Variants in INPP4B observed in about 807,000 individuals in gnomAD.
INPP4B encodes the protein inositol polyphosphate 4-phosphatase type II.
INPP4B carries 55 observed loss-of-function variants against 122.5 expected under a neutral mutation model. The ratio of observed to expected loss-of-function variants is 0.45; its 90% CI spans 0.36 to 0.56. The LOEUF (loss-of-function observed/expected upper bound fraction) is 0.56, where lower values mean the gene tolerates loss of function less well. INPP4B is among the 20% of genes least tolerant of loss of function. The probability of loss-of-function intolerance (pLI) is 0.00; values close to 1 mark genes in which losing one functional copy is unlikely to be tolerated. For synonymous variants in INPP4B, 403 were observed against 388.7 expected, an observed-to-expected ratio of 1.04 and a Z score of -0.43; for missense variants, 1,000 against 1,097.7, an observed-to-expected ratio of 0.91 and a Z score of 1.26.
At chr4:142,501,249 T>C (rs1823335113) in intron 2 of INPP4B, among the ~76,000 whole-genome samples, 1 of 152,192 alleles carries the variant, frequency 6.6e-6, no homozygotes, top group Non-Finnish European at 1.5e-5. Flanking sequence ...GCCAGCGCCC[T>C]TAACCCTTTG....
chr4:142,443,646 A>G (rs904600890), intron 3 of INPP4B, among the ~76,000 whole-genome samples: 2 of 152,112 alleles, frequency 1.3e-5, no homozygotes, highest in Non-Finnish European at 2.9e-5. Flanking sequence ...ACACCAAGAA[A>G]CAGGTGACAG....
intron 7 of INPP4B, among the ~76,000 whole-genome samples, chr4:142,331,257 A>G (rs1774385957): frequency 6.6e-6 from 1 of 152,180 alleles, no homozygotes; most frequent in Non-Finnish European, 1.5e-5. Context: ...GCCCATTTCC[A>G]GCTACTAGCT....
intron 1 of INPP4B, among the ~76,000 whole-genome samples, chr4:142,807,560 T>C (rs918215735): frequency 6.6e-6 from 1 of 152,126 alleles, no homozygotes; most frequent in Non-Finnish European, 1.5e-5. Context: ...AGGGAGAACA[T>C]ATGGCCAGAT....
rs1764708690 is a variant in INPP4B, at chr4:142,721,692, G to T, written c.-191+4147C>A. ...AAAAATTAGCCGGGCGTGGTAGCGCGTGCCTGTAGTCCCAGCTACTTGGGA... is the reference window on the plus strand; with the variant it reads ...AAAAATTAGCCGGGCGTGGTAGCGCTTGCCTGTAGTCCCAGCTACTTGGGA... On this transcript the variant is annotated intron_variant, in intron 2 of 25. Coordinates refer to ENST00000262992, the MANE Select transcript of INPP4B (RefSeq NM_001101669.3). 2.0e-5 allele frequency among the ~76,000 whole-genome samples: 3 copies of T among 152,010 alleles called. No homozygotes were observed. The South Asian group carries it at 6.2e-4, about 32-fold the overall frequency.
intron 2 of INPP4B, among the ~76,000 whole-genome samples, chr4:142,522,337 C>A (rs1826195731): frequency 2.7e-5 from 3 of 109,166 alleles, no homozygotes; most frequent in Non-Finnish European, 5.3e-5. Context: ...TCTTTCCCGC[C>A]CCCGCCCCCC....
chr4:142,070,025 C>A (rs1192924013), intron 25 of INPP4B, among the ~76,000 whole-genome samples: 4 of 152,060 alleles, frequency 2.6e-5, no homozygotes, highest in African/African-American at 9.7e-5. Flanking sequence ...CTGGCAGAGA[C>A]ACAACAAAAA....
chr4:142,632,246 G>T (rs754852965), intron 2 of INPP4B, among the ~76,000 whole-genome samples: 12 of 151,864 alleles, frequency 7.9e-5, no homozygotes, highest in Non-Finnish European at 1.6e-4. Flanking sequence ...ATGGAATATT[G>T]TTCAGCCAAA....
intron 25 of INPP4B, among the ~76,000 whole-genome samples, chr4:142,041,166 A>G (rs769486310): frequency 5.3e-5 from 8 of 152,136 alleles, no homozygotes; most frequent in Non-Finnish European, 1.2e-4. Context: ...AGTAACACGA[A>G]AAAAAATTAG....
intron 2 of INPP4B, among the ~76,000 whole-genome samples, chr4:142,578,985 C>A (rs989052570): frequency 6.6e-6 from 1 of 151,896 alleles, no homozygotes; most frequent in African/African-American, 2.4e-5. Flanking sequence ...TGTTTTATTG[C>A]CTATTTCTAC....
intron 8 of INPP4B, among the ~76,000 whole-genome samples, chr4:142,308,925 C>T (rs1579688902): frequency 1.3e-5 from 2 of 152,050 alleles, no homozygotes; most frequent in South Asian, 2.1e-4. Flanking sequence ...CTTCTTCCGG[C>T]CCCCAGGCTC....
At chr4:142,275,269 T>G (rs1157594082) in intron 9 of INPP4B, among the ~76,000 whole-genome samples, 1 of 151,786 alleles carries the variant, frequency 6.6e-6, no homozygotes, top group African/African-American at 2.4e-5. Flanking sequence ...AAGAAAAACA[T>G]CTCCAGAAGT....
intron 1 of INPP4B, among the ~76,000 whole-genome samples, chr4:142,814,831 C>G (rs138164082): frequency 7.0e-4 from 107 of 152,224 alleles, no homozygotes; most frequent in African/African-American, 2.5e-3. Flanking sequence ...TGCAGACACT[C>G]TAATCTCAAG....
At chr4:142,622,589 G>T (rs980708398) in intron 2 of INPP4B, among the ~76,000 whole-genome samples, 1 of 151,876 alleles carries the variant, frequency 6.6e-6, no homozygotes, top group African/African-American at 2.4e-5. Flanking sequence ...TATCATGCGG[G>T]AAATTCCTTG....
chr4:142,836,746 A>AC (rs1561124907), intron 1 of INPP4B, among the ~76,000 whole-genome samples: 4 of 151,862 alleles, frequency 2.6e-5, no homozygotes, highest in South Asian at 4.2e-4. Context: ...ACACACACAC[A>AC]AGAAATACGA....
intron 25 of INPP4B, among the ~76,000 whole-genome samples, chr4:142,046,882 A>C (rs1249119661): frequency 6.6e-6 from 1 of 152,084 alleles, no homozygotes; most frequent in African/African-American, 2.4e-5. Flanking sequence ...ACCATGTATT[A>C]AAAAGATGGG....
At chr4:142,156,342 A>G (rs1014462463) in intron 17 of INPP4B, among the ~76,000 whole-genome samples, 3 of 152,112 alleles carry the variant, frequency 2.0e-5, no homozygotes, top group Admixed American at 6.6e-5. Context: ...AGAAACCACA[A>G]AAACTAGGTC....
chr4:142,398,445 T>TAAA (rs1554048511), intron 7 of INPP4B, among the ~76,000 whole-genome samples: 1,252 of 73,902 alleles, frequency 0.017, 17 homozygotes, highest in Non-Finnish European at 0.023. Flanking sequence ...TATATATATA[T>TAAA]AAAACATATT....
At chr4:142,293,408 T>C (rs1005284073) in intron 9 of INPP4B, among the ~76,000 whole-genome samples, 2 of 152,060 alleles carry the variant, frequency 1.3e-5, no homozygotes, top group African/African-American at 2.4e-5. Context: ...TCATCCTCCA[T>C]TGCAGCACAG....
intron 19 of INPP4B, among the ~76,000 whole-genome samples, chr4:142,123,756 T>C (rs1296426863): frequency 6.6e-6 from 1 of 152,130 alleles, no homozygotes; most frequent in Non-Finnish European, 1.5e-5. Context: ...AAAATAGAGA[T>C]GATAATAATC....
Sources: gnomAD v4.1 joint callset for allele counts (sites outside exome capture counted in the v4.1 genomes callset) on GRCh38, gnomAD v4.1.1 for gene constraint, MANE v1.5 for transcripts, NCBI Gene and HGNC (gene_info 2026-07-23, HGNC 2026-07-21) for gene names.